Variants in PRKAR2A observed in about 807,000 individuals in gnomAD.
PRKAR2A encodes cAMP-dependent protein kinase type II-alpha regulatory subunit.
In PRKAR2A, 29 loss-of-function variants were observed where a neutral mutation model predicts 51.9. The observed-to-expected ratio is 0.56, with a 90% CI of 0.42 to 0.76. PRKAR2A has a LOEUF of 0.76. Among genes scored for constraint, PRKAR2A ranks in the 30% least tolerant of loss-of-function variants. The probability of loss-of-function intolerance (pLI) is 0.00; values close to 1 mark genes in which losing one functional copy is unlikely to be tolerated. For synonymous variants in PRKAR2A, 178 were observed against 186.2 expected (o/e 0.96, Z 0.36); for missense variants, 445 against 512.1 (o/e 0.87, Z 1.26).
At chr3:48,816,339 A>T (rs2082874027) in intron 1 of PRKAR2A, among the ~76,000 whole-genome samples, 1 of 152,172 alleles carries the variant, frequency 6.6e-6, no homozygotes, top group African/African-American at 2.4e-5. Flanking sequence ...TGTCAGACTC[A>T]TTTCTAAATC....
At chr3:48,823,264 G>C (rs2082999525) in intron 1 of PRKAR2A, among the ~76,000 whole-genome samples, 1 of 151,908 alleles carries the variant, frequency 6.6e-6, no homozygotes, top group African/African-American at 2.4e-5. Context: ...AAGAACTCAA[G>C]AAAATCTGCA....
At chr3:48,829,622 G>A (rs571775064) in intron 1 of PRKAR2A, among the ~76,000 whole-genome samples, 11 of 135,708 alleles carry the variant, frequency 8.1e-5, no homozygotes, top group South Asian at 2.3e-4. Context: ...GTGTGTATAC[G>A]TGTGTATACA....
At chr3:48,829,858 T>TATAC (rs2083154014) in intron 1 of PRKAR2A, among the ~76,000 whole-genome samples, 1 of 82,902 alleles carries the variant, frequency 1.2e-5, no homozygotes, top group Admixed American at 1.4e-4. Flanking sequence ...TATATATATA[T>TATAC]ATATATATAT....
intron 1 of PRKAR2A, among the ~76,000 whole-genome samples, chr3:48,829,924 A>T (rs1443434005): frequency 7.1e-6 from 1 of 141,342 alleles, no homozygotes; most frequent in Non-Finnish European, 1.5e-5. Context: ...CAAGCCGGGC[A>T]CAGTGGCTCA....
intron 1 of PRKAR2A, among the ~76,000 whole-genome samples, chr3:48,836,416 G>T (rs1227412168): frequency 1.8e-4 from 3 of 16,922 alleles, no homozygotes; most frequent in Non-Finnish European, 2.0e-4. Flanking sequence ...GCGAGACTCC[G>T]TCTAAAAAAA....
intron 2 of PRKAR2A, among the ~76,000 whole-genome samples, chr3:48,806,252 C>T (rs1249305150): frequency 6.6e-6 from 1 of 152,054 alleles, no homozygotes; most frequent in Non-Finnish European, 1.5e-5. Context: ...AATTCCTAGC[C>T]CTATAATAGG....
Position 48,812,317 on chromosome 3 carries a change from C to T in PRKAR2A, c.263-4633G>A, listed in dbSNP as rs373325506. 3.3e-5 allele frequency among the ~76,000 whole-genome samples: 5 copies of T among 152,100 alleles called. No homozygotes were observed. The East Asian group carries it at 9.7e-4, about 29-fold the overall frequency. On this transcript the variant is annotated intron_variant, in intron 1 of 10. Transcript: ENST00000265563. ...AGATTAGGGAGGGAGCAAAACAAAC[C>T]ATCTGTCCTCATGGAACTTATAATC...
At chr3:48,829,370 T>G (rs966205503) in intron 1 of PRKAR2A, among the ~76,000 whole-genome samples, 1 of 150,594 alleles carries the variant, frequency 6.6e-6, no homozygotes, top group Non-Finnish European at 1.5e-5. Context: ...AATACAAAAA[T>G]TAGCTGCGCA....
chr3:48,784,440 C>G (rs1381560247), intron 4 of PRKAR2A, among the ~76,000 whole-genome samples: 3 of 152,134 alleles, frequency 2.0e-5, no homozygotes, highest in African/African-American at 4.8e-5. Flanking sequence ...TGACGTGTTA[C>G]CCACACTGAC....
intron 1 of PRKAR2A, among the ~76,000 whole-genome samples, chr3:48,831,126 T>C (rs2083181153): frequency 6.6e-6 from 1 of 152,150 alleles, no homozygotes. Flanking sequence ...TACTATACTT[T>C]TATACAACTG....
chr3:48,832,811 G>A (rs1408017529), intron 1 of PRKAR2A, among the ~76,000 whole-genome samples: 1 of 152,082 alleles, frequency 6.6e-6, no homozygotes. Flanking sequence ...ACTTGAGTAG[G>A]AACCCTTGAT....
chr3:48,844,414 T>C (rs1318408290), intron 1 of PRKAR2A, among the ~76,000 whole-genome samples: 30 of 150,182 alleles, frequency 2.0e-4, no homozygotes, highest in Non-Finnish European at 4.3e-4. Flanking sequence ...TCAACCATTG[T>C]GGAAGTCAGT....
intron 4 of PRKAR2A, among the ~76,000 whole-genome samples, chr3:48,789,028 G>C (rs1002914967): frequency 2.6e-5 from 4 of 151,932 alleles, no homozygotes; most frequent in Admixed American, 1.3e-4. Context: ...GTAAGCCAGT[G>C]AGTTAACTAT....
intron 6 of PRKAR2A, among the ~76,000 whole-genome samples, chr3:48,771,816 CT>C (rs780025716): frequency 7.2e-5 from 11 of 151,890 alleles, no homozygotes; most frequent in Non-Finnish European, 1.5e-4. Flanking sequence ...AATGTTCATT[CT>C]GTTGTTGCTG....
intron 5 of PRKAR2A, among the ~76,000 whole-genome samples, chr3:48,776,818 G>T (rs911160235): frequency 6.6e-6 from 1 of 152,144 alleles, no homozygotes; most frequent in Non-Finnish European, 1.5e-5. Flanking sequence ...TCCAGCCTGG[G>T]TGGCAGAGTG....
At chr3:48,825,552 A>G (rs975541412) in intron 1 of PRKAR2A, among the ~76,000 whole-genome samples, 2 of 151,976 alleles carry the variant, frequency 1.3e-5, no homozygotes, top group Non-Finnish European at 2.9e-5. Context: ...GCTGAGGCAC[A>G]AGAATTGCTT....
chr3:48,829,861 ATATATATATATTT>A (rs1358746096), intron 1 of PRKAR2A, among the ~76,000 whole-genome samples: 1 of 82,562 alleles, frequency 1.2e-5, no homozygotes, highest in Non-Finnish European at 2.1e-5. Flanking sequence ...ATATATATAT[ATATATATATATTT>A]TTTTTTTTTT....
chr3:48,766,718 T>G (rs1439594094), intron 6 of PRKAR2A, among the ~76,000 whole-genome samples: 3 of 152,198 alleles, frequency 2.0e-5, no homozygotes, highest in Non-Finnish European at 4.4e-5. Context: ...TCAAAGATTA[T>G]TTTGCAGCAA....
At chr3:48,776,835 T>C (rs943870024) in intron 5 of PRKAR2A, among the ~76,000 whole-genome samples, 1 of 152,082 alleles carries the variant, frequency 6.6e-6, no homozygotes, top group Non-Finnish European at 1.5e-5. Context: ...AGTGAGACTC[T>C]ATCTCAAAAT....
Sources: gnomAD v4.1 joint callset for allele counts (sites outside exome capture counted in the v4.1 genomes callset) on GRCh38, gnomAD v4.1.1 for gene constraint, MANE v1.5 for transcripts, NCBI Gene and HGNC (gene_info 2026-07-23, HGNC 2026-07-21) for gene names.